WDR7: variants seen among roughly 807,000 people sequenced by gnomAD.
WDR7 encodes the protein WD repeat domain 7, also known as WD repeat-containing protein 7.
In WDR7, 46 loss-of-function variants were observed where a neutral mutation model predicts 169.4. That is an observed-to-expected ratio of 0.27 (90% CI 0.21 to 0.35). The LOEUF (loss-of-function observed/expected upper bound fraction) is 0.35, where lower values mean the gene tolerates loss of function less well. Ranked by LOEUF, WDR7 falls within the 10% of genes least tolerant of loss-of-function variation. The pLI, the probability that WDR7 is intolerant of heterozygous loss-of-function variation, is 1.00. For synonymous variants in WDR7, 612 were observed against 666.8 expected (o/e 0.92, Z 1.27); for missense variants, 1,534 against 1,859.3 (o/e 0.83, Z 3.22).
Position 56,894,308 on chromosome 18 carries a change from T to C in WDR7, c.3526+14143T>C, listed in dbSNP as rs946590843. 2.6e-5 allele frequency among the ~76,000 whole-genome samples: 4 copies of C among 152,044 alleles called. No homozygotes were observed. The South Asian group carries it at 8.3e-4, about 32-fold the overall frequency. ...TTTGGCTCAAAATTCTGCAAGGGTCTAAAAGCCAGAGTCCTCCCCATGCCC... is the reference window on the plus strand; with the variant it reads ...TTTGGCTCAAAATTCTGCAAGGGTCCAAAAGCCAGAGTCCTCCCCATGCCC... On this transcript the variant is annotated intron_variant, in intron 21 of 27. Transcript: ENST00000254442.
intron 19 of WDR7, among the ~76,000 whole-genome samples, chr18:56,793,753 G>C (rs2044533592): frequency 6.6e-6 from 1 of 152,134 alleles, no homozygotes; most frequent in Admixed American, 6.5e-5. Context: ...ACATGAATAG[G>C]ATAACAGAGA....
At chr18:56,712,804 A>C (rs1263636740) in intron 12 of WDR7, among the ~76,000 whole-genome samples, 2 of 152,228 alleles carry the variant, frequency 1.3e-5, no homozygotes, top group Non-Finnish European at 2.9e-5. Context: ...CTGAAGTAGA[A>C]TAGATGAGAC....
chr18:56,896,742 G>A (rs980325781), intron 21 of WDR7, among the ~76,000 whole-genome samples: 3 of 151,716 alleles, frequency 2.0e-5, no homozygotes, highest in Non-Finnish European at 4.4e-5. Context: ...AGATGATATA[G>A]GAAAATATGA....
Position 56,776,667 on chromosome 18 carries a change from T to C in WDR7, c.2849-115T>C. 3.7e-6 allele frequency: 3 copies of C among 815,326 alleles called. No individual in the cohort carries two copies. The South Asian group carries it at 4.4e-5, about 12-fold the overall frequency. 50.5% of individuals were successfully genotyped at this position (815,326 alleles called of 1,614,324 possible). A position where few individuals can be genotyped will look rare whatever the true frequency, so the allele number is the denominator to read the frequency against. On this transcript the variant is annotated intron_variant, in intron 16 of 27. Coordinates refer to ENST00000254442, the MANE Select transcript of WDR7 (RefSeq NM_015285.3). ...TCTGATGAAAACATCGTTTCAGTTC[T>C]ACATTCTCTGTTTTGCCTACTTTGT...
intron 26 of WDR7, among the ~76,000 whole-genome samples, chr18:56,988,590 A>AGTGTGTGTGTGTGTGT (rs71171009): frequency 7.7e-5 from 11 of 142,686 alleles, no homozygotes; most frequent in East Asian, 2.2e-4. Context: ...ATGGAAGGCA[A>AGTGTGTGTGTGTGTGT]GTGTGTGTGT....
chr18:56,884,676 C>T (rs180740603), intron 21 of WDR7, among the ~76,000 whole-genome samples: 95 of 152,288 alleles, frequency 6.2e-4, no homozygotes, highest in African/African-American at 2.2e-3. Flanking sequence ...ACATGCCTAA[C>T]CCTGCCCCAA....
chr18:56,730,917 A>AT (rs1407709373), intron 13 of WDR7, among the ~76,000 whole-genome samples: 2 of 152,112 alleles, frequency 1.3e-5, no homozygotes, highest in East Asian at 3.8e-4. Flanking sequence ...AAATTATAAT[A>AT]TTTTTTCTGT....
intron 12 of WDR7, among the ~76,000 whole-genome samples, chr18:56,715,312 T>C (rs991942164): frequency 6.6e-6 from 1 of 152,202 alleles, no homozygotes; most frequent in African/African-American, 2.4e-5. Context: ...GGCAGAATTT[T>C]AGGAACGCCT....
intron 20 of WDR7, among the ~76,000 whole-genome samples, chr18:56,851,928 G>A (rs374590506): frequency 6.6e-6 from 1 of 152,044 alleles, no homozygotes; most frequent in East Asian, 1.9e-4. Context: ...TGAGCAGTTG[G>A]GCTCACTTTG....
In WDR7 at chr18:56,679,360, A is replaced by T. The variant is rs778239271; in HGVS notation, c.188A>T (p.His63Leu). The T allele has an allele frequency of 6.2e-7, 1 of 1,612,492 alleles. No individual in the cohort carries two copies. Among genetic ancestry groups the T allele is most frequent in the Non-Finnish European group, 8.5e-7 (1 of 1,178,628 alleles). ...AATCCTCGAGCACTGTTGTTTGGTC[A>T]TACAGCATCAATCACTTGTTTGTCT... ...QINPRALLFG[H>L]TASITCLSKA... The change falls in exon 3 of 28, where the codon CAT (histidine) becomes CTT (leucine). Residue 63 changes from histidine (H) to leucine (L), a missense_variant. His to Leu is a moderately conservative substitution (Grantham distance 99). Coordinates refer to ENST00000254442, the MANE Select transcript of WDR7 (RefSeq NM_015285.3).
chr18:56,856,976 G>A lies in WDR7; in HGVS notation c.3305-22968G>A, dbSNP rs1252098870. On this transcript the variant is annotated intron_variant, in intron 20 of 27. Coordinates refer to ENST00000254442, the MANE Select transcript of WDR7 (RefSeq NM_015285.3). The stretch of plus-strand genomic sequence containing the variant: ...AAGGAGAAAGTTATGTAATATAAGG[G>A]AGATACCTGCTTTGATTCCTTCTAA... Among the ~76,000 whole-genome samples, 5 of 152,248 alleles carry A rather than the reference G, an allele frequency of 3.3e-5. No homozygotes were observed. The East Asian group carries it at 5.8e-4, about 18-fold the overall frequency.
At chr18:57,032,426 A>T (rs1568036446), downstream of WDR7, 1 of 152,172 alleles carries the variant, frequency 6.6e-6, no homozygotes. Context: ...CCAAATTTGA[A>T]ATGTATTCTC....
At chr18:56,871,993 A>G (rs551046118) in intron 20 of WDR7, among the ~76,000 whole-genome samples, 1 of 152,228 alleles carries the variant, frequency 6.6e-6, no homozygotes, top group Non-Finnish European at 1.5e-5. Context: ...AGGTCAAAGC[A>G]CAGTTCTGAA....
chr18:56,862,773 C>G lies in WDR7; in HGVS notation c.3305-17171C>G, dbSNP rs566470070. Among the ~76,000 whole-genome samples, 5 of 151,862 alleles carry G rather than the reference C, an allele frequency of 3.3e-5. No homozygotes were observed. In the South Asian group the frequency reaches 1.0e-3, roughly 32 times the overall value. On this transcript the variant is annotated intron_variant, in intron 20 of 27. Transcript: ENST00000254442. ...TTTTACTTTTTATTTTAGCATAAGA[C>G]TTGGAATTGGATATTGCTATATCTC...
intron 26 of WDR7, among the ~76,000 whole-genome samples, chr18:56,973,500 G>C (rs973871949): frequency 3.3e-5 from 5 of 151,636 alleles, no homozygotes; most frequent in Admixed American, 1.3e-4. Flanking sequence ...GTGTGGGGGG[G>C]GTGTATTCCA....
At chr18:57,000,591 C>T (rs1168414906) in intron 26 of WDR7, among the ~76,000 whole-genome samples, 1 of 152,116 alleles carries the variant, frequency 6.6e-6, no homozygotes, top group Non-Finnish European at 1.5e-5. Flanking sequence ...GCTCAAACAG[C>T]ACTATTTAAC....
At chr18:56,961,502 T>C (rs915581908) in intron 25 of WDR7, among the ~76,000 whole-genome samples, 5 of 152,040 alleles carry the variant, frequency 3.3e-5, no homozygotes, top group Non-Finnish European at 7.4e-5. Context: ...ACTGAGACAA[T>C]AGGACTAGAT....
chr18:56,831,939 GA>G (rs1384321213), intron 20 of WDR7, among the ~76,000 whole-genome samples: 1 of 152,124 alleles, frequency 6.6e-6, no homozygotes, highest in African/African-American at 2.4e-5. Context: ...CTAGCTGCAG[GA>G]TTTTTTTTTC....
At chr18:57,025,849 G>A (rs978540445) in intron 27 of WDR7, among the ~76,000 whole-genome samples, 2 of 152,128 alleles carry the variant, frequency 1.3e-5, no homozygotes, top group Non-Finnish European at 2.9e-5. Context: ...CAGTGATAAC[G>A]CATCTTAAAT....
Sources: allele counts gnomAD v4.1 joint callset (sites outside exome capture counted in the v4.1 genomes callset), GRCh38; gene constraint gnomAD v4.1.1; transcripts MANE v1.5; gene names NCBI Gene and HGNC (gene_info 2026-07-23, HGNC 2026-07-21).